The following CDH13 variants were observed in gnomAD, a reference collection of about 807,000 sequenced individuals.
The protein encoded by CDH13 is cadherin-13.
Under a neutral mutation model 63.8 loss-of-function variants are expected in CDH13, and 24 were observed. The ratio of observed to expected loss-of-function variants is 0.38; its 90% CI spans 0.27 to 0.53. CDH13 has a LOEUF of 0.53. Among genes scored for constraint, CDH13 ranks in the 20% least tolerant of loss-of-function variants. CDH13 has a pLI of 0.85. For synonymous variants in CDH13, 503 were observed against 355.3 expected (o/e 1.42, Z -4.67); for missense variants, 1,049 against 903.1 (o/e 1.16, Z -2.07).
Position 83,370,842 on chromosome 16 carries a change from T to A in CDH13, c.781+25836T>A, listed in dbSNP as rs75065737. On this transcript the variant is annotated intron_variant, in intron 6 of 13. Transcript: ENST00000567109. ...GCTGTGTAGTATTCCACATTATATA[T>A]GTACCATATTTCTTTAATCCAGTCT... Among the ~76,000 whole-genome samples, 1,436 of 152,352 alleles carry A rather than the reference T, an allele frequency of 9.4e-3. 20 individuals carry two copies. The highest frequency in any genetic ancestry group is 0.033 in the African/African-American group (1,387 of 41,580).
At chr16:83,643,634 C>A (rs1911515842) in intron 8 of CDH13, among the ~76,000 whole-genome samples, 1 of 151,842 alleles carries the variant, frequency 6.6e-6, no homozygotes, top group African/African-American at 2.4e-5. Context: ...GTGATCTTGG[C>A]CTTTCTTGGT....
intron 6 of CDH13, among the ~76,000 whole-genome samples, chr16:83,404,967 G>C (rs184651551): frequency 2.6e-4 from 40 of 152,228 alleles, no homozygotes; most frequent in Non-Finnish European, 4.9e-4. Flanking sequence ...CTAAAGCAGT[G>C]AACAAAGTAG....
intron 1 of CDH13, among the ~76,000 whole-genome samples, chr16:82,855,004 A>T (rs1038984741): frequency 1.3e-5 from 2 of 152,076 alleles, no homozygotes; most frequent in African/African-American, 4.8e-5. Context: ...GAATGATTTG[A>T]CTAATTCTTA....
chr16:82,955,989 C>T lies in CDH13; in HGVS notation c.158-76021C>T, dbSNP rs143629537. On this transcript the variant is annotated intron_variant, in intron 2 of 13. Transcript: ENST00000567109. Reference sequence around the variant, plus strand: ...AGTCTTGGATTTATTTTTTTTAACTCTGTGTACTAGACACTGCCTCTTGGA... The same window carrying T: ...AGTCTTGGATTTATTTTTTTTAACTTTGTGTACTAGACACTGCCTCTTGGA... 4.6e-3 allele frequency among the ~76,000 whole-genome samples: 695 copies of T among 152,256 alleles called. 3 individuals are homozygous for T. The highest frequency in any genetic ancestry group is 8.2e-3 in the Non-Finnish European group (559 of 68,018).
At chr16:83,194,990 A>T (rs767916128) in intron 4 of CDH13, among the ~76,000 whole-genome samples, 14 of 152,278 alleles carry the variant, frequency 9.2e-5, no homozygotes, top group South Asian at 4.1e-4. Flanking sequence ...AGGTAAAAAA[A>T]GTATGAGAAT....
chr16:83,488,375 G>C (rs1279795321), intron 7 of CDH13, among the ~76,000 whole-genome samples: 2 of 151,940 alleles, frequency 1.3e-5, no homozygotes, highest in African/African-American at 4.8e-5. Context: ...TGTTGGCATA[G>C]AGGGAAAAAA....
intron 7 of CDH13, among the ~76,000 whole-genome samples, chr16:83,496,582 A>T (rs969615861): frequency 2.0e-5 from 3 of 152,218 alleles, no homozygotes; most frequent in African/African-American, 7.2e-5. Flanking sequence ...AGGCTTTACC[A>T]TTCAGGACAT....
At chr16:83,311,693 G>C (rs1385643697) in intron 5 of CDH13, among the ~76,000 whole-genome samples, 1 of 152,162 alleles carries the variant, frequency 6.6e-6, no homozygotes, top group Non-Finnish European at 1.5e-5. Flanking sequence ...CTGACTCAAG[G>C]CTTGTACTCT....
chr16:83,783,132 C>G (rs1199097760), intron 12 of CDH13, 122 bp from the exon 13 acceptor site: 1 of 683,154 alleles, frequency 1.5e-6, no homozygotes. Context: ...TAAATGTAAG[C>G]ATTCGCACAA....
rs184500396 is a variant in CDH13 at position 82,676,597 on chromosome 16, T to C, written c.45+49460T>C. On this transcript the variant is annotated intron_variant, in intron 1 of 13. Transcript: ENST00000567109. ...TTTCTCTTCTCCCCAACCAGAATGA[T>C]TCTTTGAAAGCTTCAGTATGATGCA... Among the ~76,000 whole-genome samples, 327 of 151,890 alleles carry C rather than the reference T, an allele frequency of 2.2e-3. 1 individual carries two copies. Among genetic ancestry groups the C allele is most frequent in the African/African-American group, 7.7e-3 (318 of 41,438 alleles).
At position 83,051,117 on chromosome 16, in the gene CDH13, C is replaced by T. The variant is rs114527928; in HGVS notation, c.366+18899C>T. 6.4e-3 allele frequency among the ~76,000 whole-genome samples: 969 copies of T among 152,170 alleles called. 10 individuals are homozygous for T. Among genetic ancestry groups the T allele is most frequent in the African/African-American group, 0.023 (938 of 41,488 alleles). On this transcript the variant is annotated intron_variant, in intron 3 of 13. Transcript: ENST00000567109. ...GCCTGTTACTATCTAATTGACTTCCCAAAGAATAACTGTGATCATATCATG... is the reference window on the plus strand; with the variant it reads ...GCCTGTTACTATCTAATTGACTTCCTAAAGAATAACTGTGATCATATCATG...
chr16:83,036,986 A>T (rs1739568284), intron 3 of CDH13, among the ~76,000 whole-genome samples: 1 of 152,174 alleles, frequency 6.6e-6, no homozygotes, highest in South Asian at 2.1e-4. Context: ...CAGCATCTGA[A>T]GACCAGGAGG....
At chr16:83,437,097 G>C (rs923407901) in intron 6 of CDH13, among the ~76,000 whole-genome samples, 8 of 152,040 alleles carry the variant, frequency 5.3e-5, no homozygotes, top group African/African-American at 1.9e-4. Context: ...TTTCCCAGTA[G>C]TAGGCTGGAG....
intron 6 of CDH13, among the ~76,000 whole-genome samples, chr16:83,390,198 A>C (rs777564647): frequency 6.6e-6 from 1 of 152,192 alleles, no homozygotes; most frequent in Admixed American, 6.5e-5. Flanking sequence ...ATTTCATCGA[A>C]GCCCCTTCAT....
In CDH13 at chr16:83,565,904, A is replaced by G. The variant is rs76846700; in HGVS notation, c.961-36550A>G. Among the ~76,000 whole-genome samples, 749 of 152,226 alleles carry G rather than the reference A, an allele frequency of 4.9e-3. 1 individual carries two copies. The highest frequency in any genetic ancestry group is 7.8e-3 in the Non-Finnish European group (532 of 68,014). ...TGGCTTATGACTTTTCTTTTGTGAT[A>G]CCAGTTTGTAAATGTGTAACTTGTC... On this transcript the variant is annotated intron_variant, in intron 7 of 13. Coordinates refer to ENST00000567109, the MANE Select transcript of CDH13 (RefSeq NM_001257.5).
chr16:82,836,829 C>A (rs1425867282), intron 1 of CDH13, among the ~76,000 whole-genome samples: 1 of 152,220 alleles, frequency 6.6e-6, no homozygotes, highest in Non-Finnish European at 1.5e-5. Context: ...ATTTTCATAA[C>A]CCACCTTTCC....
intron 1 of CDH13, among the ~76,000 whole-genome samples, chr16:82,788,491 C>T (rs1437561719): frequency 6.6e-6 from 1 of 152,222 alleles, no homozygotes; most frequent in African/African-American, 2.4e-5. Context: ...TCCATGAGTT[C>T]ACCACTGCTG....
chr16:83,191,630 G>A lies in CDH13; in HGVS notation c.484-25715G>A, dbSNP rs528750501. ...ACATGATCACAAGGTCCCACAATAGGCCATCTGCAAGCTGAGGAGCAAGGG... is the reference window on the plus strand; with the variant it reads ...ACATGATCACAAGGTCCCACAATAGACCATCTGCAAGCTGAGGAGCAAGGG... On this transcript the variant is annotated intron_variant, in intron 4 of 13. Coordinates refer to ENST00000567109, the MANE Select transcript of CDH13 (RefSeq NM_001257.5). 2.0e-5 allele frequency among the ~76,000 whole-genome samples: 3 copies of A among 149,088 alleles called. No homozygotes were observed. In the Admixed American group the frequency reaches 2.0e-4, roughly 10 times the overall value.
In CDH13 at chr16:83,762,571, G is replaced by A. The variant is rs566400977; in HGVS notation, c.1681+14321G>A. Among the ~76,000 whole-genome samples, 17 of 152,188 alleles carry A rather than the reference G, an allele frequency of 1.1e-4. No individual in the cohort carries two copies. The South Asian group carries it at 2.5e-3, about 22-fold the overall frequency. On this transcript the variant is annotated intron_variant, in intron 11 of 13. Transcript: ENST00000567109. Reference sequence around the variant, plus strand: ...TCACCAGAAAGGTCAAATGTTAGTCGCCCTGTCTTATGTGGGCTGAAAACT... The same window carrying A: ...TCACCAGAAAGGTCAAATGTTAGTCACCCTGTCTTATGTGGGCTGAAAACT...
Sources: allele counts gnomAD v4.1 joint callset (sites outside exome capture counted in the v4.1 genomes callset), GRCh38; gene constraint gnomAD v4.1.1; transcripts MANE v1.5; gene names NCBI Gene and HGNC (gene_info 2026-07-23, HGNC 2026-07-21).